Variants in ADGRL3 observed in about 807,000 individuals in gnomAD.
The protein encoded by ADGRL3 is calcium-independent alpha-latrotoxin receptor 3.
A neutral mutation model predicts 153.5 loss-of-function variants in ADGRL3; 62 were observed. The observed-to-expected ratio is 0.40, with a 90% confidence interval of 0.33 to 0.50. The LOEUF (loss-of-function observed/expected upper bound fraction) is 0.50. ADGRL3 is among the 20% of genes least tolerant of loss of function. The pLI is 0.47. For missense variants in ADGRL3, 1,641 were observed against 1,859.4 expected (o/e 0.88, Z 2.16); for synonymous variants, 710 against 672.5 (o/e 1.06, Z -0.86).
At chr4:61,909,149 C>T (rs1035415030) in intron 11 of ADGRL3, among the ~76,000 whole-genome samples, 1 of 152,178 alleles carries the variant, frequency 6.6e-6, no homozygotes, top group African/African-American at 2.4e-5. Flanking sequence ...TCACTGTGAA[C>T]TAAGTGCTAA....
intron 5 of ADGRL3, among the ~76,000 whole-genome samples, chr4:61,611,380 C>T (rs1234863198): frequency 6.6e-6 from 1 of 152,024 alleles, no homozygotes; most frequent in Non-Finnish European, 1.5e-5. Context: ...AGTGAGCAGC[C>T]ACTTCTCACA....
chr4:61,518,695 C>T (rs2098512292), intron 4 of ADGRL3, among the ~76,000 whole-genome samples: 1 of 152,110 alleles, frequency 6.6e-6, no homozygotes, highest in Non-Finnish European at 1.5e-5. Context: ...GCCTTTCTGC[C>T]TTGTAGTGGT....
chr4:61,604,453 A>G (rs560516725), intron 5 of ADGRL3, among the ~76,000 whole-genome samples: 1 of 152,352 alleles, frequency 6.6e-6, no homozygotes, highest in African/African-American at 2.4e-5. Context: ...TTCTCTTGGA[A>G]TGAAACAACG....
chr4:61,599,400 C>T (rs927466108), intron 5 of ADGRL3, among the ~76,000 whole-genome samples: 12 of 152,142 alleles, frequency 7.9e-5, no homozygotes, highest in Admixed American at 2.6e-4. Flanking sequence ...AGTGCAATGG[C>T]GCAATCTGGG....
intron 13 of ADGRL3, among the ~76,000 whole-genome samples, chr4:61,927,133 A>G (rs922603140): frequency 2.6e-5 from 4 of 152,188 alleles, no homozygotes; most frequent in Non-Finnish European, 5.9e-5. Context: ...GAGGGAAGGG[A>G]GAACATCTGT....
At chr4:61,390,514 C>T (rs2096790300) in intron 2 of ADGRL3, among the ~76,000 whole-genome samples, 1 of 152,122 alleles carries the variant, frequency 6.6e-6, no homozygotes, top group Non-Finnish European at 1.5e-5. Context: ...ATTTTGTTTT[C>T]TTGCAGGAGG....
At chr4:61,262,854 A>G (rs2092622721) in intron 1 of ADGRL3, among the ~76,000 whole-genome samples, 1 of 152,094 alleles carries the variant, frequency 6.6e-6, no homozygotes, top group Admixed American at 6.6e-5. Flanking sequence ...GATGCACTAC[A>G]GCCACTCTTT....
chr4:61,316,060 G>A (rs941581913), intron 1 of ADGRL3, among the ~76,000 whole-genome samples: 1 of 152,146 alleles, frequency 6.6e-6, no homozygotes, highest in Non-Finnish European at 1.5e-5. Flanking sequence ...ATGAAAAAAA[G>A]TATAAATAAC....
intron 6 of ADGRL3, among the ~76,000 whole-genome samples, chr4:61,694,942 A>C (rs1362821293): frequency 6.6e-6 from 1 of 151,874 alleles, no homozygotes; most frequent in African/African-American, 2.4e-5. Flanking sequence ...ATAAGTAGCA[A>C]CTCCTCGTGT....
chr4:61,385,866 A>G (rs2096729885), intron 2 of ADGRL3: 3 of 152,144 alleles, frequency 2.0e-5, no homozygotes, highest in African/African-American at 2.4e-5. Flanking sequence ...ATGCATATGT[A>G]TAGACACAGA....
At chr4:61,679,049 A>C (rs944700051) in intron 6 of ADGRL3, among the ~76,000 whole-genome samples, 2 of 152,054 alleles carry the variant, frequency 1.3e-5, no homozygotes, top group African/African-American at 4.8e-5. Context: ...CAGACTGGGT[A>C]ATTTAGTAAG....
intron 21 of ADGRL3, among the ~76,000 whole-genome samples, chr4:62,017,649 C>A (rs1233532754): frequency 6.6e-6 from 1 of 151,076 alleles, no homozygotes; most frequent in Non-Finnish European, 1.5e-5. Flanking sequence ...ATTTTTTTGT[C>A]CTGGTAAAGA....
intron 1 of ADGRL3, among the ~76,000 whole-genome samples, chr4:61,338,393 C>G (rs201077554): frequency 1.3e-5 from 2 of 149,878 alleles, no homozygotes; most frequent in Non-Finnish European, 3.0e-5. Context: ...CAGTGTGTGT[C>G]TGTGTGTGTG....
chr4:61,518,364 A>G lies in ADGRL3; in HGVS notation c.259+846A>G, dbSNP rs1055879455. ...AAATCTTTCCTAAAACACAGTCACT[A>G]TTCTGACCCAAGAATTTCTTGAGAG... On this transcript the variant is annotated intron_variant, in intron 4 of 26. Coordinates refer to ENST00000683033, the MANE Select transcript of ADGRL3 (RefSeq NM_001387552.1). Among the ~76,000 whole-genome samples, 3 of 146,648 alleles carry G rather than the reference A, an allele frequency of 2.0e-5. No individual in the cohort carries two copies. The Admixed American group carries it at 2.1e-4, about 10-fold the overall frequency.
At chr4:61,413,982 A>G (rs1452613825) in intron 2 of ADGRL3, among the ~76,000 whole-genome samples, 1 of 152,190 alleles carries the variant, frequency 6.6e-6, no homozygotes, top group African/African-American at 2.4e-5. Context: ...AATAATTTCT[A>G]CATATTTGAC....
chr4:61,952,951 A>T (rs909311952), intron 17 of ADGRL3, among the ~76,000 whole-genome samples: 1 of 152,246 alleles, frequency 6.6e-6, no homozygotes, highest in Non-Finnish European at 1.5e-5. Context: ...TTCCTTTAGC[A>T]GTCAATCACA....
At position 61,909,622 on chromosome 4, in the gene ADGRL3, C is replaced by T. The variant is rs377736613; in HGVS notation, c.1950C>T (p.His650=). Residue 650 remains histidine (H), a synonymous_variant, in exon 12 of 27, where the codon CAC becomes CAT. Transcript: ENST00000683033. The part of the protein sequence containing the change: ...ARELAEQTRN[H]LNAGDITYSV... The stretch of plus-strand genomic sequence containing the variant: ...AGCTGGCTGAACAGACAAGAAATCA[C>T]TTGAATGCTGGGGACATCACCTACT... The T allele has an allele frequency of 8.7e-6, 14 of 1,613,400 alleles. No individual in the cohort carries two copies. In the African/African-American group the frequency reaches 1.5e-4, roughly 17 times the overall value.
intron 9 of ADGRL3, among the ~76,000 whole-genome samples, chr4:61,829,076 G>GT (rs1262944681): frequency 6.6e-6 from 1 of 152,176 alleles, no homozygotes; most frequent in Admixed American, 6.5e-5. Flanking sequence ...TACTTTATCA[G>GT]TAAAGGAGCC....
chr4:61,461,097 A>T (rs2097808727), intron 2 of ADGRL3, among the ~76,000 whole-genome samples: 1 of 152,048 alleles, frequency 6.6e-6, no homozygotes. Flanking sequence ...AAACAAAGCC[A>T]TCACATCTCG....
Sources: allele counts gnomAD v4.1 joint callset (sites outside exome capture counted in the v4.1 genomes callset), GRCh38; gene constraint gnomAD v4.1.1; transcripts MANE v1.5; gene names NCBI Gene and HGNC (gene_info 2026-07-23, HGNC 2026-07-21).